Variants in MTMR12 observed in about 807,000 individuals in gnomAD.
MTMR12 encodes the protein myotubularin-related protein 12.
A neutral mutation model predicts 96.7 loss-of-function variants in MTMR12; 33 were observed. That is an observed-to-expected ratio of 0.34 (90% CI 0.26 to 0.46). The LOEUF is 0.46. Among genes scored for constraint, MTMR12 ranks in the 20% least tolerant of loss-of-function variants. The probability of loss-of-function intolerance (pLI) is 1.00; values close to 1 mark genes in which losing one functional copy is unlikely to be tolerated. For missense variants in MTMR12, 721 were observed against 896.1 expected (o/e 0.80, Z 2.49); for synonymous variants, 298 against 327.2 (o/e 0.91, Z 0.96).
At chr5:32,232,332 C>A (rs949032007) in intron 15 of MTMR12, among the ~76,000 whole-genome samples, 2 of 152,202 alleles carry the variant, frequency 1.3e-5, no homozygotes, top group African/African-American at 4.8e-5. Flanking sequence ...TTGTCGCCCC[C>A]GTCCCAACTG....
intron 6 of MTMR12, among the ~76,000 whole-genome samples, chr5:32,265,003 A>G (rs924311572): frequency 2.0e-5 from 3 of 152,066 alleles, no homozygotes; most frequent in Admixed American, 2.0e-4. Flanking sequence ...GATATAAGGT[A>G]GTAACAACAT....
At chr5:32,244,943 G>T (rs1392815156) in intron 10 of MTMR12, among the ~76,000 whole-genome samples, 4 of 152,014 alleles carry the variant, frequency 2.6e-5, no homozygotes, top group African/African-American at 9.7e-5. Context: ...CCCCTCTAAA[G>T]AACTGAGGGT....
At chr5:32,266,585 G>C (rs1749603624) in intron 6 of MTMR12, among the ~76,000 whole-genome samples, 2 of 151,936 alleles carry the variant, frequency 1.3e-5, no homozygotes, top group Non-Finnish European at 1.5e-5. Flanking sequence ...CTAATCAGGA[G>C]GCTGAGGCAG....
At chr5:32,250,020 C>G (rs1009087470) in intron 8 of MTMR12, among the ~76,000 whole-genome samples, 1 of 152,176 alleles carries the variant, frequency 6.6e-6, no homozygotes, top group Non-Finnish European at 1.5e-5. Context: ...GAGGGAGCAC[C>G]TTTTTGCCAT....
At chr5:32,281,127 A>G (rs1561791241) in intron 1 of MTMR12, among the ~76,000 whole-genome samples, 1 of 151,796 alleles carries the variant, frequency 6.6e-6, no homozygotes, top group Non-Finnish European at 1.5e-5. Context: ...ATGTGCCTGT[A>G]ATCCCAGCTA....
chr5:32,276,227 C>T (rs1750046373), intron 2 of MTMR12, among the ~76,000 whole-genome samples: 1 of 152,242 alleles, frequency 6.6e-6, no homozygotes, highest in Non-Finnish European at 1.5e-5. Flanking sequence ...AGCCCCAAGG[C>T]TGGTAAACCC....
chr5:32,293,798 C>A (rs1750826939), intron 1 of MTMR12, among the ~76,000 whole-genome samples: 1 of 152,166 alleles, frequency 6.6e-6, no homozygotes, highest in African/African-American at 2.4e-5. Flanking sequence ...GGCCTGGACA[C>A]CTCAACAGCC....
At chr5:32,231,504 T>TGG (rs1276083982) in intron 15 of MTMR12, among the ~76,000 whole-genome samples, 1 of 152,092 alleles carries the variant, frequency 6.6e-6, no homozygotes, top group Non-Finnish European at 1.5e-5. Context: ...GCTCTTTTGC[T>TGG]ACTGTTCATT....
rs113560874 is a variant in MTMR12 at position 32,290,147 on chromosome 5, C to T, written c.82-13405G>A. ...CAAATGGCTTTTTCTCCATTCCTGTCCATGAGGCCCACCAGAAGCAATTTG... is the reference window on the plus strand; with the variant it reads ...CAAATGGCTTTTTCTCCATTCCTGTTCATGAGGCCCACCAGAAGCAATTTG... On this transcript the variant is annotated intron_variant, in intron 1 of 15. Transcript: ENST00000382142. Among the ~76,000 whole-genome samples the T allele has an allele frequency of 2.5e-3, 383 of 152,328 alleles. 2 individuals carry two copies. Among genetic ancestry groups the T allele is most frequent in the African/African-American group, 8.7e-3 (360 of 41,572 alleles).
chr5:32,273,975 C>CAT lies in MTMR12; in HGVS notation c.285+3_285+4dup. ...CAAACTCTGCCAAATGCAGCCCATA[C>CAT]ATACATCATTATCCAATGCAGATTC... On this transcript the variant is annotated splice_donor_region_variant and intron_variant, in intron 3 of 15. Coordinates refer to ENST00000382142, the MANE Select transcript of MTMR12 (RefSeq NM_001040446.3). 6.2e-7 allele frequency: 1 copy of CAT among 1,614,044 alleles called. No homozygotes were observed. The highest frequency in any genetic ancestry group is 8.5e-7 in the Non-Finnish European group (1 of 1,179,974).
At chr5:32,284,285 TCCAG>T (rs1484814385) in intron 1 of MTMR12, among the ~76,000 whole-genome samples, 1 of 127,074 alleles carries the variant, frequency 7.9e-6, no homozygotes, top group Non-Finnish European at 1.5e-5. Flanking sequence ...ACCACTGTAC[TCCAG>T]CCTGGGTGAC....
At chr5:32,269,461 G>A (rs1200054966) in intron 5 of MTMR12, among the ~76,000 whole-genome samples, 3 of 151,494 alleles carry the variant, frequency 2.0e-5, no homozygotes, top group South Asian at 2.1e-4. Context: ...GCGCCACCAC[G>A]CCCGGCTAAT....
At chr5:32,295,726 A>G (rs1046164896) in intron 1 of MTMR12, among the ~76,000 whole-genome samples, 3 of 152,234 alleles carry the variant, frequency 2.0e-5, no homozygotes, top group African/African-American at 7.2e-5. Context: ...CACTTTACAG[A>G]TAAGGCCAAT....
At chr5:32,277,980 A>C (rs1750127428) in intron 1 of MTMR12, among the ~76,000 whole-genome samples, 1 of 152,234 alleles carries the variant, frequency 6.6e-6, no homozygotes, top group African/African-American at 2.4e-5. Flanking sequence ...GGATACAGTC[A>C]TTTCTAACAG....
At chr5:32,254,886 T>A (rs980074576) in intron 8 of MTMR12, among the ~76,000 whole-genome samples, 4 of 152,132 alleles carry the variant, frequency 2.6e-5, no homozygotes, top group African/African-American at 9.7e-5. Context: ...AAAATCTGTA[T>A]CTATGGCTTC....
intron 8 of MTMR12, among the ~76,000 whole-genome samples, chr5:32,251,073 T>G (rs1748901827): frequency 6.7e-6 from 1 of 149,664 alleles, no homozygotes; most frequent in Admixed American, 6.6e-5. Context: ...TTTTTTTTTT[T>G]GAGACGGAGT....
chr5:32,244,594 G>C (rs575094583), intron 10 of MTMR12, among the ~76,000 whole-genome samples: 2 of 150,878 alleles, frequency 1.3e-5, no homozygotes, highest in South Asian at 4.2e-4. Flanking sequence ...TCCATCTCAA[G>C]AAAAAAAGAA....
chr5:32,231,864 C>G (rs1480158496), intron 15 of MTMR12, among the ~76,000 whole-genome samples: 1 of 152,188 alleles, frequency 6.6e-6, no homozygotes, highest in Non-Finnish European at 1.5e-5. Context: ...GTGCTCAGTA[C>G]TCACATTCAC....
intron 1 of MTMR12, among the ~76,000 whole-genome samples, chr5:32,296,832 G>A: frequency 6.6e-6 from 1 of 150,852 alleles, no homozygotes; most frequent in Non-Finnish European, 1.5e-5. Context: ...GCCGGGCGCG[G>A]TGGCTCACGC....
Sources: allele counts gnomAD v4.1 joint callset (sites outside exome capture counted in the v4.1 genomes callset), GRCh38; gene constraint gnomAD v4.1.1; transcripts MANE v1.5; gene names NCBI Gene and HGNC (gene_info 2026-07-23, HGNC 2026-07-21).